The following PLEKHB1 variants were observed in gnomAD, a reference collection of about 807,000 sequenced individuals.
PLEKHB1 encodes the protein pleckstrin homology domain containing B1.
Under a neutral mutation model 36.2 loss-of-function variants are expected in PLEKHB1, and 29 were observed. That is an observed-to-expected ratio of 0.80 (90% CI 0.60 to 1.09). The LOEUF is 1.09. Ranked by LOEUF, PLEKHB1 falls within the 50% of genes least tolerant of loss-of-function variation. The probability of loss-of-function intolerance (pLI) is 0.00; values close to 1 mark genes in which losing one functional copy is unlikely to be tolerated. For missense variants in PLEKHB1, 330 were observed against 348.2 expected (o/e 0.95, Z 0.42); for synonymous variants, 138 against 140.0 (o/e 0.99, Z 0.10).
At chr11:73,655,700 C>G (rs1944978506) in intron 5 of PLEKHB1, 103 bp from the exon 6 acceptor site, 3 of 968,042 alleles carry the variant, frequency 3.1e-6, no homozygotes, top group Non-Finnish European at 4.7e-6. Flanking sequence ...TGGCGGAGGG[C>G]TCTGGTAGGG....
At chr11:73,655,604 TA>T (rs1944976569) in intron 5 of PLEKHB1, among the ~76,000 whole-genome samples, 198 bp from the exon 6 acceptor site, 1 of 152,204 alleles carries the variant, frequency 6.6e-6, no homozygotes, top group Non-Finnish European at 1.5e-5. Context: ...CTTTTCTGCG[TA>T]ACTTTGGCAG....
rs1036493946 is a variant in PLEKHB1 at position 73,662,544 on chromosome 11, C to T, written c.*942C>T. On this transcript the variant is annotated 3_prime_UTR_variant, in exon 8 of 8. Transcript: ENST00000354190. ...GTCACCCTCTCAGGCTTTGTCTCAT[C>T]CTTCATTCTGAATAAGATGGCAGTG... is the stretch of plus-strand genomic sequence containing the variant. 6.6e-6 allele frequency: 1 copy of T among 152,422 alleles called. No individual in the cohort carries two copies. The highest frequency in any genetic ancestry group is 1.5e-5 in the Non-Finnish European group (1 of 68,090). 9.4% of individuals were successfully genotyped at this position (152,422 alleles called of 1,614,324 possible). A position where few individuals can be genotyped will look rare whatever the true frequency, so the allele number is the denominator to read the frequency against.
chr11:73,648,739 G>C, intron 1 of PLEKHB1: 1 of 1,215,124 alleles, frequency 8.2e-7, no homozygotes, highest in Non-Finnish European at 1.0e-6. Flanking sequence ...CAGGGAGGAG[G>C]GATATGGCCA....
intron 1 of PLEKHB1, chr11:73,647,461 TA>T: frequency 1.7e-6 from 1 of 602,310 alleles, no homozygotes; most frequent in Non-Finnish European, 2.1e-6. Flanking sequence ...AATAGAAAAG[TA>T]AAATTGCAGG....
At chr11:73,661,000 A>C in intron 7 of PLEKHB1, 148 bp downstream of exon 7, 3 of 730,060 alleles carry the variant, frequency 4.1e-6, no homozygotes, top group Non-Finnish European at 6.9e-6. Context: ...GCCCCTCTCC[A>C]TCCTGAGACT....
chr11:73,660,645 G>C (rs1040458918), intron 6 of PLEKHB1, 108 bp from the exon 7 acceptor site: 2 of 1,039,710 alleles, frequency 1.9e-6, no homozygotes, highest in Non-Finnish European at 2.8e-6. Context: ...TTCTAAACTT[G>C]GGGAGGTGGC....
At chr11:73,653,895 G>A (rs1451024526) in intron 5 of PLEKHB1, among the ~76,000 whole-genome samples, 1 of 152,034 alleles carries the variant, frequency 6.6e-6, no homozygotes, top group Non-Finnish European at 1.5e-5. Context: ...GCCATGACAA[G>A]TTTTTGAACA....
intron 5 of PLEKHB1, among the ~76,000 whole-genome samples, 197 bp downstream of exon 5, chr11:73,653,211 G>T (rs1944932870): frequency 6.6e-6 from 1 of 152,148 alleles, no homozygotes; most frequent in East Asian, 1.9e-4. Flanking sequence ...AGAGAGAGAA[G>T]CCTCCATGGA....
chr11:73,655,974 C>T (rs1944986791), intron 6 of PLEKHB1, 67 bp downstream of exon 6: 10 of 1,305,786 alleles, frequency 7.7e-6, no homozygotes, highest in African/African-American at 1.4e-5. Flanking sequence ...AAACCAGGCC[C>T]AGTCCATCCC....
intron 4 of PLEKHB1, chr11:73,652,736 G>T (rs1378731983): frequency 4.2e-6 from 2 of 477,316 alleles, no homozygotes; most frequent in Non-Finnish European, 7.5e-6. Context: ...CTGTATAGAT[G>T]AGGAAACTGG....
rs373541702 is a variant in PLEKHB1 at position 73,651,870 on chromosome 11, G to A, written c.330G>A (p.Ala110=). Reference sequence around the variant, plus strand: ...AAGGCGGCCGCCTGCACCTCTGTGCGGAGACCAAGGATGATGCCCTGTGAG... The same window carrying A: ...AAGGCGGCCGCCTGCACCTCTGTGCAGAGACCAAGGATGATGCCCTGTGAG... ...LREGGRLHLC[A]ETKDDALAWK... Residue 110 remains alanine, a synonymous_variant, in exon 4 of 8, where the codon GCG becomes GCA. Transcript: ENST00000354190. 3.2e-5 allele frequency: 51 copies of A among 1,613,430 alleles called. No individual in the cohort carries two copies. Among genetic ancestry groups the A allele is most frequent in the South Asian group, 2.7e-4 (25 of 91,070 alleles).
rs902394224 is a variant in PLEKHB1 at position 73,651,467 on chromosome 11, T to A, written c.248-321T>A. On this transcript the variant is annotated intron_variant, in intron 3 of 7. Transcript: ENST00000354190. ...TGCCCTCCAGGCGCTCGGTACTGGA[T>A]GAAGACGAAATGAAATTAGGAGGCC... 5.5e-6 allele frequency: 3 copies of A among 544,068 alleles called. No individual in the cohort carries two copies. The African/African-American group carries it at 5.6e-5, about 10-fold the overall frequency. The allele number at this position is 544,068 out of a possible 1,614,324, so 33.7% of individuals were successfully genotyped here. A position where few individuals can be genotyped will look rare whatever the true frequency, so the allele number is the denominator to read the frequency against.
At chr11:73,655,953 A>G in intron 6 of PLEKHB1, 46 bp downstream of exon 6, 4 of 1,541,506 alleles carry the variant, frequency 2.6e-6, no homozygotes, top group Non-Finnish European at 3.6e-6. Flanking sequence ...GGCCACCAGG[A>G]TGAGCCTCCA....
intron 2 of PLEKHB1, among the ~76,000 whole-genome samples, chr11:73,650,216 AAGAC>A (rs2134799766): frequency 6.6e-6 from 1 of 152,250 alleles, no homozygotes; most frequent in African/African-American, 2.4e-5. Context: ...CCCTGTCTCA[AAGAC>A]AGAGAGAGAG....
chr11:73,647,640 C>A, intron 1 of PLEKHB1: 10 of 985,360 alleles, frequency 1.0e-5, no homozygotes, highest in Non-Finnish European at 1.2e-5. Flanking sequence ...ATGCCCCAGG[C>A]TCTCCGGGGC....
Position 73,660,797 on chromosome 11 carries a change from C to A in PLEKHB1, c.540C>A (p.Pro180=). The A allele has an allele frequency of 6.2e-7, 1 of 1,602,616 alleles. No individual in the cohort carries two copies. Among genetic ancestry groups the A allele is most frequent in the Admixed American group, 1.7e-5 (1 of 58,710 alleles). Residue 180 remains proline, a synonymous_variant, in exon 7 of 8, where the codon CCC becomes CCA. Coordinates refer to ENST00000354190, the MANE Select transcript of PLEKHB1 (RefSeq NM_021200.3). ...SPYQDYYEVV[P]PNAHEATYVR... is the part of the protein sequence containing the mutation. ...ACCAAGACTACTACGAGGTGGTGCC[C>A]CCCAATGCACACGAGGCCACGTATG...
rs958534271 is a variant in PLEKHB1 at position 73,661,366 on chromosome 11, C to A, written c.596-100C>A. ...CTGGGGAGCAGGAGAGTGGGTTCGG[C>A]GCCTTACACTGGGTTGGGCTGGAGT... On this transcript the variant is annotated intron_variant, in intron 7 of 7. Coordinates refer to ENST00000354190, the MANE Select transcript of PLEKHB1 (RefSeq NM_021200.3). The surrounding 1 kb of genome is among the most constrained non-coding windows in gnomAD (Gnocchi z 4.6). 7.3e-7 allele frequency: 1 copy of A among 1,368,766 alleles called. No homozygotes were observed. Among genetic ancestry groups the A allele is most frequent in the Non-Finnish European group, 1.0e-6 (1 of 981,178 alleles). 84.8% of individuals were successfully genotyped at this position (1,368,766 alleles called of 1,614,324 possible).
chr11:73,660,357 T>G (rs1945080397), intron 6 of PLEKHB1: 1 of 189,582 alleles, frequency 5.3e-6, no homozygotes, highest in South Asian at 1.2e-4. Flanking sequence ...CCAACCCCTG[T>G]TTATTTCCTG....
intron 5 of PLEKHB1, among the ~76,000 whole-genome samples, chr11:73,654,071 T>G: frequency 1.3e-5 from 2 of 150,988 alleles, no homozygotes; most frequent in South Asian, 2.1e-4. Flanking sequence ...GGGAATGGAT[T>G]ATAGAGGGTA....
Sources: gnomAD v4.1 joint callset for allele counts (sites outside exome capture counted in the v4.1 genomes callset) on GRCh38, gnomAD v4.1.1 for gene constraint, Gnocchi (gnomAD v3.1) non-coding constraint, MANE v1.5 for transcripts, NCBI Gene and HGNC (gene_info 2026-07-23, HGNC 2026-07-21) for gene names.